Variants in KLHL21 observed in about 807,000 individuals in gnomAD.
KLHL21 encodes the protein kelch like family member 21.
A neutral mutation model predicts 44.1 loss-of-function variants in KLHL21; 42 were observed. That is an observed-to-expected ratio of 0.95 (90% CI 0.74 to 1.23). The LOEUF (loss-of-function observed/expected upper bound fraction) is 1.23. KLHL21 is among the 50% of genes most tolerant of loss of function. The pLI is 0.00. For missense variants in KLHL21, 918 were observed against 889.1 expected (o/e 1.03, Z -0.41); for synonymous variants, 524 against 411.6 (o/e 1.27, Z -3.31).
rs1384284897 is a variant in KLHL21, at chr1:6,602,422, C to G, written c.396G>C (p.Gln132His). The G allele has an allele frequency of 6.3e-7, 1 of 1,595,758 alleles. No homozygotes were observed. The highest frequency in any genetic ancestry group is 1.7e-5 in the Admixed American group (1 of 59,018). The stretch of plus-strand genomic sequence containing the variant: ...TGTCCAGGCAGTTGGCCAGGTCGAG[C>G]TGCTGCTGCAGGAAGGCCCCGCACG... Reference protein sequence around the residue: ...KEACGAFLQQQLDLANCLDMQ... With the variant: ...KEACGAFLQQHLDLANCLDMQ... The change falls in exon 1 of 4, where the codon CAG (glutamine) becomes CAC (histidine). Residue 132 changes from glutamine (Q) to histidine (H), a missense_variant. By Grantham distance (24) the Gln-to-His change is conservative. Coordinates refer to ENST00000377658, the MANE Select transcript of KLHL21 (RefSeq NM_014851.4).
In KLHL21 at chr1:6,590,821, A is replaced by G. The variant is rs969079230; in HGVS notation, c.*2544T>C. The G allele has an allele frequency of 2.8e-5, 11 of 397,894 alleles. 1 individual carries two copies. Among genetic ancestry groups the G allele is most frequent in the Middle Eastern group, 1.3e-3 (2 of 1,586 alleles). The allele number at this position is 397,894 out of a possible 1,614,324, so 24.6% of individuals were successfully genotyped here. A position where few individuals can be genotyped will look rare whatever the true frequency, so the allele number is the denominator to read the frequency against. On this transcript the variant is annotated 3_prime_UTR_variant, in exon 4 of 4. Coordinates refer to ENST00000377658, the MANE Select transcript of KLHL21 (RefSeq NM_014851.4). ...AAGCCTACAGAATAGACAAAAATAA[A>G]TATGTCAACCTGCCCGACCCTCTGG...
chr1:6,602,132 A>G lies in KLHL21; in HGVS notation c.686T>C (p.Val229Ala). ...QLLEAVRLPF[V>A]RRFYLLAHVE... ...GTGCGCCAACAGGTAGAAGCGGCGC[A>G]CGAAGGGCAGGCGCACGGCCTCCAG... The change falls in exon 1 of 4, where the codon GTG becomes GCG. Residue 229 changes from valine (V) to alanine (A), a missense_variant. By Grantham distance (64) the Val-to-Ala change is moderately conservative (BLOSUM62 0). Transcript: ENST00000377658. 1 of 1,429,754 alleles carries G rather than the reference A, an allele frequency of 7.0e-7. No individual in the cohort carries two copies. Among genetic ancestry groups the G allele is most frequent in the Non-Finnish European group, 9.1e-7 (1 of 1,100,318 alleles). 88.6% of individuals were successfully genotyped at this position (1,429,754 alleles called of 1,614,324 possible).
In KLHL21 at chr1:6,599,157, C is replaced by T; in HGVS notation, c.1317G>A (p.Gln439=). ...ACAGGTCGGTGTCCGGGTCGTAGCACTGCATCACCATGGTCTCCTTGCCAG... is the reference window on the plus strand; with the variant it reads ...ACAGGTCGGTGTCCGGGTCGTAGCATTGCATCACCATGGTCTCCTTGCCAG... ...SLAGKETMVM[Q]CYDPDTDLWS... is the part of the protein sequence containing the mutation. Residue 439 remains glutamine (Q), a synonymous_variant, in exon 2 of 4, where the codon CAG becomes CAA. Transcript: ENST00000377658. 6.2e-7 allele frequency: 1 copy of T among 1,614,094 alleles called. No individual in the cohort carries two copies. The highest frequency in any genetic ancestry group is 8.5e-7 in the Non-Finnish European group (1 of 1,180,044).
chr1:6,595,003 A>G (rs1331513484), intron 3 of KLHL21: 3 of 212,788 alleles, frequency 1.4e-5, no homozygotes, highest in Non-Finnish European at 2.8e-5. Context: ...GGCTGCAGTG[A>G]GCCATGATTG....
chr1:6,595,507 T>G lies in KLHL21; in HGVS notation c.1478A>C (p.Asp493Ala). ...DVYNPTRNEW[D>A]KIPSMNQVHV... Reference sequence around the variant, plus strand: ...TACCTGATTCATGGACGGGATCTTGTCCCATTCGTTCCTCGTCGGGTTGTA... The same window carrying G: ...TACCTGATTCATGGACGGGATCTTGGCCCATTCGTTCCTCGTCGGGTTGTA... The change falls in exon 3 of 4, where the codon GAC becomes GCC. Residue 493 changes from aspartate to alanine, a missense_variant. Coordinates refer to ENST00000377658, the MANE Select transcript of KLHL21 (RefSeq NM_014851.4). 6.2e-7 allele frequency: 1 copy of G among 1,614,164 alleles called. No individual in the cohort carries two copies. The highest frequency in any genetic ancestry group is 8.5e-7 in the Non-Finnish European group (1 of 1,180,022).
intron 2 of KLHL21, among the ~76,000 whole-genome samples, chr1:6,597,991 C>T (rs768619173): frequency 4.6e-5 from 7 of 152,228 alleles, no homozygotes; most frequent in Non-Finnish European, 8.8e-5. Flanking sequence ...TATGATGACC[C>T]GCAGGCTGCC....
At position 6,592,276 on chromosome 1, in the gene KLHL21, C is replaced by T. The variant is rs1170229801; in HGVS notation, c.*1089G>A. On this transcript the variant is annotated 3_prime_UTR_variant, in exon 4 of 4. Coordinates refer to ENST00000377658, the MANE Select transcript of KLHL21 (RefSeq NM_014851.4). The stretch of plus-strand genomic sequence containing the variant: ...AACCAGGAAAATGCAGTCTAAATGC[C>T]CTCTTCTCTAAAAAGGAGGCAAGGA... 6.6e-6 allele frequency: 1 copy of T among 152,158 alleles called. No individual in the cohort carries two copies. Among genetic ancestry groups the T allele is most frequent in the Non-Finnish European group, 1.5e-5 (1 of 68,030 alleles). The allele number at this position is 152,158 out of a possible 1,614,324, so 9.4% of individuals were successfully genotyped here.
intron 2 of KLHL21, among the ~76,000 whole-genome samples, chr1:6,596,566 G>A (rs1640930452): frequency 6.6e-6 from 1 of 152,230 alleles, no homozygotes; most frequent in African/African-American, 2.4e-5. Flanking sequence ...AACTATCCAT[G>A]GACAGACATT....
chr1:6,598,747 G>T (rs1640964281), intron 2 of KLHL21, among the ~76,000 whole-genome samples: 1 of 152,146 alleles, frequency 6.6e-6, no homozygotes, highest in African/African-American at 2.4e-5. Context: ...GCCAGGCATG[G>T]TGGTGGGCGC....
In KLHL21 at chr1:6,602,316, G is replaced by A; in HGVS notation, c.502C>T (p.Leu168=). The A allele has an allele frequency of 6.4e-7, 1 of 1,554,010 alleles. No individual in the cohort carries two copies. The highest frequency in any genetic ancestry group is 8.6e-7 in the Non-Finnish European group (1 of 1,156,502). ...QRFILRHVGE[L]GAEQLERLPL... is the part of the protein sequence containing the mutation. Reference sequence around the variant, plus strand: ...AGCCGCTCCAGCTGCTCGGCGCCCAGCTCGCCCACGTGGCGCAGAATGAAC... The same window carrying A: ...AGCCGCTCCAGCTGCTCGGCGCCCAACTCGCCCACGTGGCGCAGAATGAAC... The change falls in exon 1 of 4, where the codon CTG becomes TTG. Residue 168 remains leucine (L), a synonymous_variant. Coordinates refer to ENST00000377658, the MANE Select transcript of KLHL21 (RefSeq NM_014851.4).
chr1:6,595,710 C>T (rs1045264360), intron 2 of KLHL21, among the ~76,000 whole-genome samples, 153 bp from the exon 3 acceptor site: 31 of 152,230 alleles, frequency 2.0e-4, no homozygotes, highest in African/African-American at 7.5e-4. Context: ...AGGTAGGCTC[C>T]ATCCCCAGCT....
intron 3 of KLHL21, chr1:6,594,145 GC>G: frequency 1.1e-6 from 1 of 905,990 alleles, no homozygotes; most frequent in Non-Finnish European, 1.3e-6. Context: ...TCTCTTAAAT[GC>G]CAGGACATTA....
Position 6,602,512 on chromosome 1 carries a change from G to A in KLHL21, c.306C>T (p.Ser102=), listed in dbSNP as rs1250064278. 1.3e-6 allele frequency: 2 copies of A among 1,544,348 alleles called. No individual in the cohort carries two copies. Among genetic ancestry groups the A allele is most frequent in the Non-Finnish European group, 1.7e-6 (2 of 1,150,948 alleles). ...DFSYTGRVAV[S]GDNAEPLLRA... ...GCAGCAGCGGCTCAGCGTTGTCGCC[G>A]CTTACCGCCACGCGGCCCGTGTAGC... Residue 102 remains serine (S), a synonymous_variant, in exon 1 of 4, where the codon AGC becomes AGT. Transcript: ENST00000377658.
Position 6,593,213 on chromosome 1 carries a change from C to T in KLHL21, c.*152G>A. 2.5e-6 allele frequency: 2 copies of T among 796,254 alleles called. No homozygotes were observed. The highest frequency in any genetic ancestry group is 3.8e-6 in the Non-Finnish European group (2 of 521,656). The allele number at this position is 796,254 out of a possible 1,614,324, so 49.3% of individuals were successfully genotyped here. The stretch of plus-strand genomic sequence containing the variant: ...ATTCAGGCTCTCAAGGTACAGAAAC[C>T]TTCCAGGTAATGGATCCTGGGCTGG... On this transcript the variant is annotated 3_prime_UTR_variant, in exon 4 of 4. Transcript: ENST00000377658.
In KLHL21 at chr1:6,591,058, G is replaced by C; in HGVS notation, c.*2307C>G. On this transcript the variant is annotated 3_prime_UTR_variant, in exon 4 of 4. Transcript: ENST00000377658. ...GCATCTATCCTGAAGTCAGTGTAAA[G>C]ACATCCTTAAGTGGTGGAGACATGA... is the stretch of plus-strand genomic sequence containing the variant. The C allele has an allele frequency of 2.5e-6, 1 of 398,632 alleles. No homozygotes were observed. Among genetic ancestry groups the C allele is most frequent in the Non-Finnish European group, 4.4e-6 (1 of 226,042 alleles). The allele number at this position is 398,632 out of a possible 1,614,324, so 24.7% of individuals were successfully genotyped here.
In KLHL21 at chr1:6,602,008, G is replaced by C; in HGVS notation, c.810C>G (p.Arg270=). ...FQAARYDRHD[R]GPCPRMRPRP... ...GAGGACGCATTCGGGGACAGGGCCCGCGGTCGTGGCGGTCGTAGCGCGCCG... is the reference window on the plus strand; with the variant it reads ...GAGGACGCATTCGGGGACAGGGCCCCCGGTCGTGGCGGTCGTAGCGCGCCG... The change falls in exon 1 of 4, where the codon CGC becomes CGG. Residue 270 remains arginine (R), a synonymous_variant. Transcript: ENST00000377658. The C allele has an allele frequency of 6.5e-7, 1 of 1,537,674 alleles. No individual in the cohort carries two copies. The highest frequency in any genetic ancestry group is 8.8e-7 in the Non-Finnish European group (1 of 1,138,924).
At chr1:6,599,665 A>G (rs1474475691) in intron 1 of KLHL21, 20 of 593,878 alleles carry the variant, frequency 3.4e-5, no homozygotes, top group Non-Finnish European at 5.6e-5. Context: ...GACTGCTGCC[A>G]AGCCTCTACC....
chr1:6,595,902 T>C (rs547384671), intron 2 of KLHL21, among the ~76,000 whole-genome samples: 1 of 152,248 alleles, frequency 6.6e-6, no homozygotes, highest in East Asian at 1.9e-4. Flanking sequence ...CTTGAGATCT[T>C]AAAGAAGCCT....
chr1:6,599,381 C>T lies in KLHL21; in HGVS notation c.1093G>A (p.Val365Met). 6.2e-7 allele frequency: 1 copy of T among 1,613,670 alleles called. No individual in the cohort carries two copies. The highest frequency in any genetic ancestry group is 8.5e-7 in the Non-Finnish European group (1 of 1,179,990). ...YNSSVNEWAE[V>M]APMLKAREYH... ...TCGCGGGCCTTCAGCATGGGCGCCA[C>T]CTCCGCCCACTCATTCACGCTTGAG... Residue 365 changes from valine to methionine, a missense_variant, in exon 2 of 4, where the codon GTG (valine) becomes ATG (methionine). By Grantham distance (21) the Val-to-Met change is conservative. Transcript: ENST00000377658.
Sources: gnomAD v4.1 joint callset for allele counts (sites outside exome capture counted in the v4.1 genomes callset) on GRCh38, gnomAD v4.1.1 for gene constraint, MANE v1.5 for transcripts, NCBI Gene and HGNC (gene_info 2026-07-23, HGNC 2026-07-21) for gene names.